Variants in ASAP1 observed in about 807,000 individuals in gnomAD.
The protein encoded by ASAP1 is arf-GAP with SH3 domain, ANK repeat and PH domain-containing protein 1.
A neutral mutation model predicts 145.2 loss-of-function variants in ASAP1; 43 were observed. The ratio of observed to expected loss-of-function variants is 0.30; its 90% CI spans 0.23 to 0.38. ASAP1 has a LOEUF of 0.38. ASAP1 is among the 10% of genes least tolerant of loss of function. The pLI is 1.00. For missense variants in ASAP1, 1,018 were observed against 1,355.3 expected, an observed-to-expected ratio of 0.75 and a Z score of 3.91; for synonymous variants, 546 against 515.5, an observed-to-expected ratio of 1.06 and a Z score of -0.80.
At chr8:130,292,336 A>C in intron 3 of ASAP1, among the ~76,000 whole-genome samples, 1 of 152,192 alleles carries the variant, frequency 6.6e-6, no homozygotes, top group East Asian at 1.9e-4. Context: ...ATGTGCAGTT[A>C]AGATGGTGTG....
chr8:130,163,620 C>T (rs1378586336), intron 11 of ASAP1, among the ~76,000 whole-genome samples: 1 of 152,210 alleles, frequency 6.6e-6, no homozygotes, highest in East Asian at 1.9e-4. Flanking sequence ...ATTCAGCTTG[C>T]TAAGCAGGGC....
chr8:130,107,418 C>T (rs1427179489), intron 24 of ASAP1, among the ~76,000 whole-genome samples: 9 of 151,626 alleles, frequency 5.9e-5, no homozygotes, highest in Admixed American at 3.3e-4. Flanking sequence ...ATCTCCTGAC[C>T]TCGTGATCCG....
intron 13 of ASAP1, among the ~76,000 whole-genome samples, chr8:130,148,095 C>A (rs2097636950): frequency 6.6e-6 from 1 of 152,164 alleles, no homozygotes; most frequent in South Asian, 2.1e-4. Flanking sequence ...CCCTTACAGC[C>A]CTCTCTACCC....
chr8:130,171,512 A>G (rs773750918), intron 9 of ASAP1, among the ~76,000 whole-genome samples: 8 of 152,168 alleles, frequency 5.3e-5, no homozygotes, highest in Non-Finnish European at 1.0e-4. Context: ...CATTATCAAG[A>G]GAACAGCATG....
At chr8:130,225,024 C>T (rs1817510713) in intron 4 of ASAP1, among the ~76,000 whole-genome samples, 2 of 152,142 alleles carry the variant, frequency 1.3e-5, no homozygotes, top group Admixed American at 1.3e-4. Context: ...TTAATTCTGG[C>T]CACATGTGTA....
chr8:130,193,395 C>CA (rs917344393), intron 5 of ASAP1, among the ~76,000 whole-genome samples: 17 of 150,766 alleles, frequency 1.1e-4, no homozygotes, highest in East Asian at 9.8e-4. Flanking sequence ...AAACAAAAGA[C>CA]AAAAAAAACC....
At chr8:130,121,738 C>T (rs973040608) in intron 18 of ASAP1, among the ~76,000 whole-genome samples, 32 of 130,202 alleles carry the variant, frequency 2.5e-4, no homozygotes, top group African/African-American at 7.8e-4. Flanking sequence ...GAGCAAAGAT[C>T]GCATCACTGC....
intron 1 of ASAP1, among the ~76,000 whole-genome samples, chr8:130,414,862 T>C (rs1192455909): frequency 2.0e-5 from 3 of 151,914 alleles, no homozygotes; most frequent in Admixed American, 6.6e-5. Flanking sequence ...GTTCAAGCAA[T>C]TTTCCTGCCT....
intron 3 of ASAP1, among the ~76,000 whole-genome samples, chr8:130,258,824 G>A (rs72724414): frequency 0.035 from 5,292 of 152,260 alleles, 126 homozygotes; most frequent in Middle Eastern, 0.065. Context: ...GATAACATAC[G>A]TGGTGGTTGA....
chr8:130,278,763 G>T (rs1821076565), intron 3 of ASAP1, among the ~76,000 whole-genome samples: 1 of 152,142 alleles, frequency 6.6e-6, no homozygotes, highest in African/African-American at 2.4e-5. Flanking sequence ...AAGAGAGGGG[G>T]AGCTGTTGTT....
chr8:130,405,196 T>C (rs1207955747), intron 1 of ASAP1, among the ~76,000 whole-genome samples: 2 of 152,236 alleles, frequency 1.3e-5, no homozygotes, highest in Non-Finnish European at 2.9e-5. Context: ...ACAGCTGTTC[T>C]TGCAGAATTC....
At chr8:130,125,290 TC>T (rs1363566044) in intron 17 of ASAP1, among the ~76,000 whole-genome samples, 1 of 152,002 alleles carries the variant, frequency 6.6e-6, no homozygotes, top group Non-Finnish European at 1.5e-5. Context: ...CCAAGTAGGC[TC>T]CCCTTCTGTA....
At chr8:130,212,668 C>A (rs1816658912) in intron 5 of ASAP1, among the ~76,000 whole-genome samples, 1 of 152,212 alleles carries the variant, frequency 6.6e-6, no homozygotes, top group African/African-American at 2.4e-5. Context: ...ACCAAACTGC[C>A]AGGTTCATCA....
rs147896501 is a variant in ASAP1 at position 130,152,395 on chromosome 8, T to C, written c.1080+341A>G. 5.4e-3 allele frequency among the ~76,000 whole-genome samples: 830 copies of C among 152,298 alleles called. 5 individuals are homozygous for C. The highest frequency in any genetic ancestry group is 8.9e-3 in the Non-Finnish European group (605 of 68,024). On this transcript the variant is annotated intron_variant, in intron 13 of 29. Coordinates refer to ENST00000518721, the MANE Select transcript of ASAP1 (RefSeq NM_018482.4). ...AAGGTTTTTACATCTACTGTTACGT[T>C]TCCTACATTATTTTTACATGCAAAG...
chr8:130,235,498 G>C (rs908623866), intron 4 of ASAP1, among the ~76,000 whole-genome samples: 10 of 152,056 alleles, frequency 6.6e-5, no homozygotes, highest in African/African-American at 2.2e-4. Context: ...CAAAGAGCTA[G>C]TATCAAACAT....
At chr8:130,435,524 A>C (rs1464877239) in intron 1 of ASAP1, among the ~76,000 whole-genome samples, 2 of 152,160 alleles carry the variant, frequency 1.3e-5, no homozygotes, top group Non-Finnish European at 2.9e-5. Flanking sequence ...TCTCATTACT[A>C]ATGTTCTGTT....
intron 7 of ASAP1, among the ~76,000 whole-genome samples, chr8:130,182,634 G>C (rs1193772908): frequency 6.6e-6 from 1 of 152,038 alleles, no homozygotes; most frequent in Non-Finnish European, 1.5e-5. Context: ...TGGGTACCTT[G>C]CTCTGAAATA....
At chr8:130,254,298 G>A (rs140647454) in intron 3 of ASAP1, among the ~76,000 whole-genome samples, 25 of 152,252 alleles carry the variant, frequency 1.6e-4, no homozygotes, top group Non-Finnish European at 2.8e-4. Flanking sequence ...AAAGAGCATT[G>A]TAAAAAGTGC....
chr8:130,197,066 G>A (rs1003707359), intron 5 of ASAP1, among the ~76,000 whole-genome samples: 3 of 152,244 alleles, frequency 2.0e-5, no homozygotes, highest in East Asian at 3.8e-4. Context: ...TGGGAAAACC[G>A]TTTAACCTTG....
Sources: allele counts gnomAD v4.1 joint callset (sites outside exome capture counted in the v4.1 genomes callset), GRCh38; gene constraint gnomAD v4.1.1; transcripts MANE v1.5; gene names NCBI Gene and HGNC (gene_info 2026-07-23, HGNC 2026-07-21).